Variants in IPO11 observed in about 807,000 individuals in gnomAD.
The protein encoded by IPO11 is importin 11.
Under a neutral mutation model 143.2 loss-of-function variants are expected in IPO11, and 66 were observed. The observed-to-expected ratio is 0.46, with a 90% CI of 0.38 to 0.57. The LOEUF (loss-of-function observed/expected upper bound fraction) is 0.57. Among genes scored for constraint, IPO11 ranks in the 20% least tolerant of loss-of-function variants. The pLI, the probability that IPO11 is intolerant of heterozygous loss-of-function variation, is 0.00. For synonymous variants in IPO11, 385 were observed against 377.8 expected, an observed-to-expected ratio of 1.02 and a Z score of -0.22; for missense variants, 1,026 against 1,141.0, an observed-to-expected ratio of 0.90 and a Z score of 1.45.
At chr5:62,528,818 G>A (rs1742450539) in intron 21 of IPO11, among the ~76,000 whole-genome samples, 2 of 152,120 alleles carry the variant, frequency 1.3e-5, no homozygotes, top group Non-Finnish European at 2.9e-5. Flanking sequence ...TAGAGAATGG[G>A]AATTTGAATT....
chr5:62,615,852 G>T (rs1015214953), intron 29 of IPO11, among the ~76,000 whole-genome samples: 2 of 152,110 alleles, frequency 1.3e-5, no homozygotes, highest in Non-Finnish European at 2.9e-5. Context: ...CCTTTTGATT[G>T]GTTACTGTGA....
At chr5:62,439,650 G>C (rs1470063729) in intron 2 of IPO11, among the ~76,000 whole-genome samples, 1 of 150,862 alleles carries the variant, frequency 6.6e-6, no homozygotes, top group African/African-American at 2.4e-5. Context: ...TCAAACTCCT[G>C]GGCTCAAATG....
chr5:62,563,996 T>C (rs189710205), intron 27 of IPO11, among the ~76,000 whole-genome samples: 1 of 152,356 alleles, frequency 6.6e-6, no homozygotes, highest in East Asian at 1.9e-4. Flanking sequence ...AGATCAGATA[T>C]AATTTTTGTT....
At chr5:62,502,796 T>TC (rs1366695296) in intron 16 of IPO11, among the ~76,000 whole-genome samples, 8 of 151,996 alleles carry the variant, frequency 5.3e-5, no homozygotes, top group Non-Finnish European at 8.8e-5. Context: ...TCTTTTCTTT[T>TC]CTTTTCCTTT....
chr5:62,565,802 C>G (rs564834557), intron 27 of IPO11, among the ~76,000 whole-genome samples: 1 of 151,584 alleles, frequency 6.6e-6, no homozygotes, highest in South Asian at 2.1e-4. Context: ...CCAACTGGCC[C>G]TGGTGTGTGT....
chr5:62,615,528 C>T lies in IPO11; in HGVS notation c.2764-11626C>T, dbSNP rs114716024. Among the ~76,000 whole-genome samples, 576 of 152,246 alleles carry T rather than the reference C, an allele frequency of 3.8e-3. 3 individuals are homozygous for T. The highest frequency in any genetic ancestry group is 0.012 in the African/African-American group (507 of 41,548). On this transcript the variant is annotated intron_variant, in intron 29 of 29. Transcript: ENST00000325324. ...AGCAGACAGAATAATCCCTCTCATC[C>T]CCCAGGGATGTGCATGTCCTAATCC...
At chr5:62,515,160 A>C (rs1741971413) in intron 19 of IPO11, among the ~76,000 whole-genome samples, 1 of 152,212 alleles carries the variant, frequency 6.6e-6, no homozygotes, top group South Asian at 2.1e-4. Flanking sequence ...TATTTCATTC[A>C]GTACACTTGA....
At chr5:62,558,865 G>A (rs1024413701) in intron 26 of IPO11, among the ~76,000 whole-genome samples, 5 of 151,992 alleles carry the variant, frequency 3.3e-5, no homozygotes, top group Non-Finnish European at 5.9e-5. Flanking sequence ...TGACATTGTG[G>A]GTTTGGTGTT....
In IPO11 at chr5:62,537,288, A is replaced by C; in HGVS notation, c.2249A>C (p.Lys750Thr). ...ACAGAAGGTCAAGTTCAGGTGCTCA[A>C]GGTATTGTGATCATTTTAAATGAAT... ...ITTEGQVQVL[K>T]VVENALKVNP... The change falls in exon 24 of 30, where the codon AAG becomes ACG. Residue 750 changes from lysine to threonine, a missense_variant and splice_region_variant. Lys to Thr is a moderately conservative substitution (Grantham distance 78, BLOSUM62 -1). Around this residue, in one of 5 missense-constraint regions of IPO11, gnomAD observed 351 missense variants for 358.9 expected, o/e 0.98. Coordinates refer to ENST00000325324, the MANE Select transcript of IPO11 (RefSeq NM_016338.5). The C allele has an allele frequency of 6.4e-7, 1 of 1,556,162 alleles. No individual in the cohort carries two copies. The highest frequency in any genetic ancestry group is 8.8e-7 in the Non-Finnish European group (1 of 1,132,120).
rs66748975 is a variant in IPO11, at chr5:62,568,574, C to CAAAAAAAAAAAA, written c.2582+7329_2582+7340dup. Among the ~76,000 whole-genome samples, 5 of 51,894 alleles carry CAAAAAAAAAAAA rather than the reference C, an allele frequency of 9.6e-5. 1 individual carries two copies. Among genetic ancestry groups the CAAAAAAAAAAAA allele is most frequent in the Non-Finnish European group, 1.6e-4 (5 of 31,164 alleles). 34.0% of individuals were successfully genotyped at this position (51,894 alleles called of 152,430 possible). On this transcript the variant is annotated intron_variant, in intron 27 of 29. Transcript: ENST00000325324. ...GGGCGACAGAGCAAGACTCTGTCTCCAAAAAAAAAAAAAAAAAAAAAAATT... is the reference window on the plus strand; with the variant it reads ...GGGCGACAGAGCAAGACTCTGTCTCCAAAAAAAAAAAAAAAAAAAAAAAAAAAAAAAAAAATT...
chr5:62,468,231 G>GT (rs1379195364), intron 6 of IPO11, among the ~76,000 whole-genome samples: 1 of 152,104 alleles, frequency 6.6e-6, no homozygotes, highest in East Asian at 1.9e-4. Flanking sequence ...GTTTTTCTTA[G>GT]TTTGATCTCA....
intron 5 of IPO11, among the ~76,000 whole-genome samples, chr5:62,454,319 T>G (rs1315769414): frequency 6.6e-6 from 1 of 152,188 alleles, no homozygotes; most frequent in Non-Finnish European, 1.5e-5. Flanking sequence ...TTGTCTTTCC[T>G]TTTCCTCTGT....
chr5:62,558,958 A>G (rs1743672224), intron 26 of IPO11, among the ~76,000 whole-genome samples: 1 of 152,198 alleles, frequency 6.6e-6, no homozygotes, highest in Non-Finnish European at 1.5e-5. Flanking sequence ...AGTTATAATT[A>G]CACTATACTG....
At chr5:62,444,392 G>T (rs1395313786) in intron 3 of IPO11, among the ~76,000 whole-genome samples, 1 of 151,696 alleles carries the variant, frequency 6.6e-6, no homozygotes. Context: ...GTGCCCGGCC[G>T]GAGTAATTTT....
intron 16 of IPO11, among the ~76,000 whole-genome samples, chr5:62,497,956 G>A (rs1741215906): frequency 6.6e-6 from 1 of 151,890 alleles, no homozygotes; most frequent in Non-Finnish European, 1.5e-5. Context: ...GTTTACATGT[G>A]GACCTGTTTC....
chr5:62,475,137 G>A (rs1745909242), intron 8 of IPO11, among the ~76,000 whole-genome samples: 1 of 152,016 alleles, frequency 6.6e-6, no homozygotes, highest in Non-Finnish European at 1.5e-5. Flanking sequence ...AAACTCCTGG[G>A]CTAAAGCGAT....
chr5:62,532,842 A>G (rs1457728499), intron 22 of IPO11, among the ~76,000 whole-genome samples: 1 of 152,196 alleles, frequency 6.6e-6, no homozygotes, highest in East Asian at 1.9e-4. Context: ...TTATCCTACC[A>G]TTGACCGGCT....
At chr5:62,504,729 C>T in intron 17 of IPO11, 29 bp downstream of exon 17, 1 of 1,449,458 alleles carries the variant, frequency 6.9e-7, no homozygotes, top group Non-Finnish European at 9.4e-7. Flanking sequence ...AAAAATACTT[C>T]ATTGCAAAGA....
At chr5:62,452,749 TG>T in intron 5 of IPO11, among the ~76,000 whole-genome samples, 1 of 148,244 alleles carries the variant, frequency 6.7e-6, no homozygotes, top group Non-Finnish European at 1.5e-5. Context: ...TGTGTGTGTG[TG>T]TGTGTGTGTG....
Sources: gnomAD v4.1 joint callset for allele counts (sites outside exome capture counted in the v4.1 genomes callset) on GRCh38, gnomAD v4.1.1 for gene constraint, gnomAD v4.1.1 regional missense constraint, MANE v1.5 for transcripts, NCBI Gene and HGNC (gene_info 2026-07-23, HGNC 2026-07-21) for gene names.